Variants in TBC1D5 observed in about 807,000 individuals in gnomAD.
TBC1D5 encodes TBC1 domain family member 5, also known as TBC1 domain family, member 5.
A neutral mutation model predicts 100.3 loss-of-function variants in TBC1D5; 75 were observed. The ratio of observed to expected loss-of-function variants is 0.75; its 90% CI spans 0.62 to 0.91. The LOEUF (loss-of-function observed/expected upper bound fraction) is 0.91. Ranked by LOEUF, TBC1D5 falls within the 40% of genes least tolerant of loss-of-function variation. TBC1D5 has a pLI of 0.00. For missense variants in TBC1D5, 910 were observed against 942.4 expected (o/e 0.97, Z 0.45); for synonymous variants, 323 against 325.6 (o/e 0.99, Z 0.09).
At chr3:17,184,227 G>A (rs1472357684) in intron 19 of TBC1D5, among the ~76,000 whole-genome samples, 1 of 152,158 alleles carries the variant, frequency 6.6e-6, no homozygotes, top group Non-Finnish European at 1.5e-5. Flanking sequence ...TGACATGCAT[G>A]ACCCACATGC....
intron 13 of TBC1D5, among the ~76,000 whole-genome samples, chr3:17,347,524 T>C (rs1368757981): frequency 6.6e-6 from 1 of 152,182 alleles, no homozygotes; most frequent in Non-Finnish European, 1.5e-5. Flanking sequence ...TTACCTAAAA[T>C]CATAAGCCTA....
intron 1 of TBC1D5, among the ~76,000 whole-genome samples, chr3:17,704,728 G>A (rs2073770691): frequency 1.7e-5 from 1 of 58,848 alleles, no homozygotes; most frequent in Admixed American, 1.6e-4. Context: ...CCCGGACGGG[G>A]CGGCTGGCCG....
intron 3 of TBC1D5, among the ~76,000 whole-genome samples, chr3:17,455,364 GTA>G (rs895059381): frequency 4.8e-5 from 7 of 145,396 alleles, no homozygotes; most frequent in East Asian, 2.0e-4. Flanking sequence ...GTATATGTGT[GTA>G]TATATATGTA....
intron 18 of TBC1D5, among the ~76,000 whole-genome samples, chr3:17,187,602 T>C (rs1286497234): frequency 1.3e-5 from 2 of 152,190 alleles, no homozygotes; most frequent in Non-Finnish European, 2.9e-5. Context: ...TAGTTTGTTA[T>C]GCAGCAATAG....
At chr3:17,403,664 T>C (rs1319070683) in intron 7 of TBC1D5, among the ~76,000 whole-genome samples, 1 of 152,130 alleles carries the variant, frequency 6.6e-6, no homozygotes, top group African/African-American at 2.4e-5. Context: ...TTATTTAAAG[T>C]ATACAAGAGG....
chr3:17,554,282 C>T (rs375287450), intron 2 of TBC1D5, among the ~76,000 whole-genome samples: 1 of 152,112 alleles, frequency 6.6e-6, no homozygotes, highest in African/African-American at 2.4e-5. Flanking sequence ...GGAACTCACC[C>T]GAAACATCGT....
At chr3:17,215,450 G>A (rs1354766475) in intron 17 of TBC1D5, among the ~76,000 whole-genome samples, 1 of 152,104 alleles carries the variant, frequency 6.6e-6, no homozygotes, top group Non-Finnish European at 1.5e-5. Context: ...TACTGAGGTG[G>A]GGAAGAGTGA....
At chr3:17,477,772 T>G (rs759435159) in intron 3 of TBC1D5, among the ~76,000 whole-genome samples, 11 of 152,120 alleles carry the variant, frequency 7.2e-5, no homozygotes, top group Non-Finnish European at 1.0e-4. Context: ...TTTACTATAT[T>G]GTTTAACAAG....
intron 2 of TBC1D5, among the ~76,000 whole-genome samples, chr3:17,563,779 TTTTG>T (rs1242010711): frequency 6.6e-6 from 1 of 152,118 alleles, no homozygotes; most frequent in Non-Finnish European, 1.5e-5. Context: ...GTTTTTTGTT[TTTTG>T]TTTTTTTGGT....
At chr3:17,235,911 T>G (rs1249417826) in intron 17 of TBC1D5, among the ~76,000 whole-genome samples, 3 of 152,170 alleles carry the variant, frequency 2.0e-5, no homozygotes, top group Non-Finnish European at 4.4e-5. Context: ...TTTTGTTTTT[T>G]TTTTTTGGTA....
chr3:17,723,260 T>A (rs1050394274), intron 1 of TBC1D5, among the ~76,000 whole-genome samples: 4 of 152,264 alleles, frequency 2.6e-5, no homozygotes, highest in African/African-American at 4.8e-5. Context: ...CACTGCATGC[T>A]TGAACCAAAA....
At chr3:17,721,921 G>A (rs2075741867) in intron 1 of TBC1D5, among the ~76,000 whole-genome samples, 2 of 151,980 alleles carry the variant, frequency 1.3e-5, no homozygotes, top group Admixed American at 1.3e-4. Flanking sequence ...GGCAGAGATT[G>A]CAGTGAGCCG....
chr3:17,258,197 C>T (rs758948534), intron 16 of TBC1D5, among the ~76,000 whole-genome samples: 2 of 151,992 alleles, frequency 1.3e-5, no homozygotes, highest in Non-Finnish European at 2.9e-5. Flanking sequence ...TTTCAATCAA[C>T]AGCAAAAATC....
intron 4 of TBC1D5, among the ~76,000 whole-genome samples, chr3:17,426,301 T>A (rs2094334053): frequency 6.6e-6 from 1 of 152,186 alleles, no homozygotes; most frequent in South Asian, 2.1e-4. Context: ...TTAACCTTAA[T>A]ATGAAGCTAT....
intron 1 of TBC1D5, among the ~76,000 whole-genome samples, chr3:17,714,717 C>T (rs2075073168): frequency 6.6e-6 from 1 of 152,068 alleles, no homozygotes; most frequent in Non-Finnish European, 1.5e-5. Flanking sequence ...GCCTGTAGTC[C>T]CAGCTACTTG....
chr3:17,215,194 A>C (rs1317415466), intron 17 of TBC1D5, among the ~76,000 whole-genome samples: 1 of 152,168 alleles, frequency 6.6e-6, no homozygotes, highest in East Asian at 1.9e-4. Flanking sequence ...TATTGAGAAC[A>C]GAATCAGAGA....
chr3:17,224,514 T>C (rs2074633288), intron 17 of TBC1D5, among the ~76,000 whole-genome samples: 1 of 152,222 alleles, frequency 6.6e-6, no homozygotes, highest in Non-Finnish European at 1.5e-5. Flanking sequence ...GTGCATATTT[T>C]TTACTCACAG....
intron 2 of TBC1D5, among the ~76,000 whole-genome samples, chr3:17,595,428 A>G (rs890600651): frequency 2.6e-5 from 4 of 152,222 alleles, no homozygotes; most frequent in African/African-American, 9.6e-5. Context: ...ACAAAAAAGC[A>G]TATGATATTT....
chr3:17,188,712 C>T (rs1214379740), intron 18 of TBC1D5, among the ~76,000 whole-genome samples: 1 of 152,214 alleles, frequency 6.6e-6, no homozygotes, highest in African/African-American at 2.4e-5. Flanking sequence ...AAGAATCAAG[C>T]TTCCAAAACT....
Sources: gnomAD v4.1 joint callset for allele counts (sites outside exome capture counted in the v4.1 genomes callset) on GRCh38, gnomAD v4.1.1 for gene constraint, MANE v1.5 for transcripts, NCBI Gene and HGNC (gene_info 2026-07-23, HGNC 2026-07-21) for gene names.